The following PHF24 variants were observed in gnomAD, a reference collection of about 807,000 sequenced individuals.
PHF24 encodes Galpha inhibitory interacting protein.
A neutral mutation model predicts 42.6 loss-of-function variants in PHF24; 25 were observed. The observed-to-expected ratio is 0.59, with a 90% CI of 0.43 to 0.82. The LOEUF is 0.82. Among genes scored for constraint, PHF24 ranks in the 40% least tolerant of loss-of-function variants. The probability of loss-of-function intolerance (pLI) is 0.00; values close to 1 mark genes in which losing one functional copy is unlikely to be tolerated. For missense variants in PHF24, 470 were observed against 538.1 expected, an observed-to-expected ratio of 0.87 and a Z score of 1.25; for synonymous variants, 185 against 204.8, an observed-to-expected ratio of 0.90 and a Z score of 0.83.
At chr9:34,901,664 C>T in the PHF24 span, among the ~76,000 whole-genome samples, 2 of 151,952 alleles carry the variant, frequency 1.3e-5, no homozygotes, top group African/African-American at 4.8e-5. Flanking sequence ...GCCTGTAATC[C>T]CAGCACTTTG....
At chr9:34,968,633 G>A (rs1826866222) in intron 1 of PHF24, among the ~76,000 whole-genome samples, 2 of 152,202 alleles carry the variant, frequency 1.3e-5, no homozygotes, top group African/African-American at 4.8e-5. Context: ...TCGCACCACT[G>A]TGGCACATAC....
chr9:34,949,506 T>A, the PHF24 span, among the ~76,000 whole-genome samples: 2 of 152,152 alleles, frequency 1.3e-5, no homozygotes, highest in East Asian at 3.9e-4. Context: ...TGGGTATATA[T>A]CCAAAGGATT....
the PHF24 span, among the ~76,000 whole-genome samples, chr9:34,754,329 A>C: frequency 6.6e-6 from 1 of 152,204 alleles, no homozygotes; most frequent in Non-Finnish European, 1.5e-5. Context: ...TCTATAGGAA[A>C]CAAATCAAAT....
At chr9:34,680,544 C>G in the PHF24 span, among the ~76,000 whole-genome samples, 1 of 149,524 alleles carries the variant, frequency 6.7e-6, no homozygotes, top group Non-Finnish European at 1.5e-5. Context: ...AAAAATTAGC[C>G]GGGCGTAGTG....
chr9:34,798,091 G>T, the PHF24 span, among the ~76,000 whole-genome samples: 1 of 152,188 alleles, frequency 6.6e-6, no homozygotes, highest in East Asian at 1.9e-4. Flanking sequence ...GATCTTTGAG[G>T]TGATGGAACT....
chr9:34,732,753 T>C, the PHF24 span, among the ~76,000 whole-genome samples: 1 of 152,216 alleles, frequency 6.6e-6, no homozygotes, highest in Admixed American at 6.5e-5. Context: ...TCAGAATTAA[T>C]TTAGCATGGG....
At chr9:34,836,923 A>G in the PHF24 span, 1 of 322,440 alleles carries the variant, frequency 3.1e-6, no homozygotes, top group Non-Finnish European at 6.4e-6. Flanking sequence ...TGCCTTTGCA[A>G]CCCTCTCAAC....
the PHF24 span, among the ~76,000 whole-genome samples, chr9:34,903,908 A>G: frequency 6.6e-6 from 1 of 152,140 alleles, no homozygotes; most frequent in African/African-American, 2.4e-5. Flanking sequence ...GGTTAGGTAT[A>G]TTCCTAAGTA....
At chr9:34,685,944 G>A in the PHF24 span, among the ~76,000 whole-genome samples, 30 of 152,172 alleles carry the variant, frequency 2.0e-4, no homozygotes, top group Admixed American at 3.9e-4. Context: ...AGACAGGAAC[G>A]CCAGCTCTGC....
At chr9:34,729,609 G>C in the PHF24 span, 1 of 591,976 alleles carries the variant, frequency 1.7e-6, no homozygotes. Flanking sequence ...GGAAGCTCAT[G>C]TGGTGATTCA....
the PHF24 span, among the ~76,000 whole-genome samples, chr9:34,715,419 G>A: frequency 6.6e-6 from 1 of 152,180 alleles, no homozygotes; most frequent in Non-Finnish European, 1.5e-5. Flanking sequence ...TGAACTGTAA[G>A]CTGGGTTTGG....
the PHF24 span, among the ~76,000 whole-genome samples, chr9:34,872,178 A>G: frequency 6.8e-6 from 1 of 147,850 alleles, no homozygotes; most frequent in Non-Finnish European, 1.5e-5. Flanking sequence ...ACAGCAATTT[A>G]TTTTTATTTT....
At chr9:34,966,240 A>G (rs1347608241) in intron 1 of PHF24, among the ~76,000 whole-genome samples, 1 of 152,214 alleles carries the variant, frequency 6.6e-6, no homozygotes, top group Non-Finnish European at 1.5e-5. Context: ...CACCTGCCAC[A>G]GGATCCAGCC....
chr9:34,668,299 G>A, the PHF24 span, among the ~76,000 whole-genome samples: 1 of 152,156 alleles, frequency 6.6e-6, no homozygotes, highest in Admixed American at 6.5e-5. Context: ...CCTATAAAGA[G>A]AAGAGCAGCC....
At chr9:34,969,957 C>T (rs1392463977) in intron 1 of PHF24, among the ~76,000 whole-genome samples, 4 of 152,190 alleles carry the variant, frequency 2.6e-5, no homozygotes, top group Non-Finnish European at 5.9e-5. Context: ...GTGGGTCTCG[C>T]CTTCCTTTAG....
Position 34,958,992 on chromosome 9 carries a change from C to T in PHF24, c.-5+591C>T, listed in dbSNP as rs1484095483. 1.3e-5 allele frequency among the ~76,000 whole-genome samples: 2 copies of T among 152,204 alleles called. No homozygotes were observed. The highest frequency in any genetic ancestry group is 3.9e-4 in the East Asian group (2 of 5,186). On this transcript the variant is annotated intron_variant, in intron 1 of 7. Coordinates refer to ENST00000242315, the Ensembl canonical transcript of PHF24. The surrounding 1 kb of genome is among the most constrained non-coding windows in gnomAD (Gnocchi z 4.5). ...CTTACTTGTATCCCCACACCGTGGC[C>T]CAGAGGTGGGGGCCTTCTAGGGCTG...
At chr9:34,981,065 G>GC (rs766313048) in exon 8 of PHF24, 7 of 152,290 alleles carry the variant, frequency 4.6e-5, no homozygotes, top group Non-Finnish European at 8.8e-5. Context: ...TTGAGCAAGG[G>GC]CCCCTAGAGT....
the PHF24 span, among the ~76,000 whole-genome samples, chr9:34,857,236 C>T: frequency 6.6e-6 from 1 of 152,196 alleles, no homozygotes. Context: ...TTGTGAGGTG[C>T]CATGGGAGTG....
chr9:34,919,105 G>A, the PHF24 span, among the ~76,000 whole-genome samples: 1 of 152,082 alleles, frequency 6.6e-6, no homozygotes, highest in African/African-American at 2.4e-5. Flanking sequence ...GAAAAATTTA[G>A]CAGACAGTGC....
Sources: allele counts gnomAD v4.1 joint callset (sites outside exome capture counted in the v4.1 genomes callset), GRCh38; gene constraint gnomAD v4.1.1; non-coding constraint Gnocchi (gnomAD v3.1); transcripts MANE v1.5; gene names NCBI Gene and HGNC (gene_info 2026-07-23, HGNC 2026-07-21).